The following ASTN2 variants were observed in gnomAD, a reference collection of about 807,000 sequenced individuals.
ASTN2 encodes the protein astrotactin 2.
Under a neutral mutation model 139.8 loss-of-function variants are expected in ASTN2, and 54 were observed. That is an observed-to-expected ratio of 0.39 (90% CI 0.31 to 0.48). The LOEUF is 0.48. Ranked by LOEUF, ASTN2 falls within the 20% of genes least tolerant of loss-of-function variation. The pLI is 0.95. For synonymous variants in ASTN2, 756 were observed against 719.5 expected (o/e 1.05, Z -0.81); for missense variants, 1,565 against 1,725.1 (o/e 0.91, Z 1.64).
intron 10 of ASTN2, among the ~76,000 whole-genome samples, chr9:116,930,786 A>AT (rs1310895713): frequency 6.6e-6 from 1 of 152,290 alleles, no homozygotes; most frequent in South Asian, 2.1e-4. Flanking sequence ...CAAGGCAGAC[A>AT]TTTTTTGGGA....
At chr9:116,708,019 T>C (rs982687850) in intron 16 of ASTN2, among the ~76,000 whole-genome samples, 2 of 152,138 alleles carry the variant, frequency 1.3e-5, no homozygotes, top group African/African-American at 2.4e-5. Flanking sequence ...TAAATTAAAA[T>C]TGAATTAAGT....
Position 117,198,217 on chromosome 9 carries a change from C to G in ASTN2, c.1015+16141G>C, listed in dbSNP as rs189122993. ...CCAACAGGCCCTGGTGTGAGTTAGT[C>G]CTCTCTCTGTGTTCATGCATTCTCA... is the stretch of plus-strand genomic sequence containing the variant. On this transcript the variant is annotated intron_variant, in intron 3 of 22. Coordinates refer to ENST00000313400, the MANE Select transcript of ASTN2 (RefSeq NM_001365068.1). 4.1e-4 allele frequency among the ~76,000 whole-genome samples: 63 copies of G among 151,852 alleles called. No homozygotes were observed. In the East Asian group the frequency reaches 1.0e-2, roughly 24 times the overall value.
intron 20 of ASTN2, among the ~76,000 whole-genome samples, chr9:116,458,031 G>C (rs570245753): frequency 9.2e-5 from 14 of 151,864 alleles, no homozygotes; most frequent in African/African-American, 3.4e-4. Context: ...AAAAAAATGA[G>C]ATCTTACCAT....
intron 3 of ASTN2, among the ~76,000 whole-genome samples, chr9:117,146,441 G>A (rs893708878): frequency 6.9e-6 from 1 of 145,618 alleles, no homozygotes; most frequent in Non-Finnish European, 1.5e-5. Context: ...AGAGAGAGAG[G>A]ACAGGAAAGG....
At chr9:116,812,436 C>T (rs575802485) in intron 12 of ASTN2, among the ~76,000 whole-genome samples, 9 of 152,238 alleles carry the variant, frequency 5.9e-5, no homozygotes, top group African/African-American at 9.6e-5. Flanking sequence ...AGCAGAGTAA[C>T]GGACCATGAG....
chr9:116,959,037 G>A (rs889263290), intron 10 of ASTN2, among the ~76,000 whole-genome samples: 2 of 152,130 alleles, frequency 1.3e-5, no homozygotes, highest in Non-Finnish European at 2.9e-5. Flanking sequence ...CTGGAGAGAG[G>A]AAATGACAAC....
At chr9:117,038,823 A>G (rs748476647) in intron 6 of ASTN2, among the ~76,000 whole-genome samples, 1 of 152,316 alleles carries the variant, frequency 6.6e-6, no homozygotes, top group South Asian at 2.1e-4. Flanking sequence ...CACTTTAGCA[A>G]TAGATAGTAA....
At chr9:116,683,177 T>C (rs199937474) in intron 16 of ASTN2, among the ~76,000 whole-genome samples, 2 of 152,042 alleles carry the variant, frequency 1.3e-5, no homozygotes, top group South Asian at 4.2e-4. Context: ...TAACAGGCCC[T>C]CTTAAATGCA....
intron 20 of ASTN2, among the ~76,000 whole-genome samples, chr9:116,468,582 C>G (rs533691148): frequency 6.6e-6 from 1 of 152,332 alleles, no homozygotes; most frequent in South Asian, 2.1e-4. Context: ...CTCACTGGCT[C>G]TCATCCAGGC....
intron 17 of ASTN2, among the ~76,000 whole-genome samples, chr9:116,624,245 G>A (rs1011098612): frequency 3.3e-5 from 5 of 152,076 alleles, no homozygotes; most frequent in Non-Finnish European, 7.4e-5. Context: ...AAGATTCCTC[G>A]TTCTTAACCT....
intron 19 of ASTN2, among the ~76,000 whole-genome samples, chr9:116,565,692 A>G (rs562253261): frequency 5.1e-4 from 78 of 151,934 alleles, no homozygotes; most frequent in African/African-American, 1.8e-3. Context: ...CATGTTGTCC[A>G]GGCTGGTCTT....
At chr9:116,830,133 C>T (rs1381375806) in intron 11 of ASTN2, among the ~76,000 whole-genome samples, 1 of 152,106 alleles carries the variant, frequency 6.6e-6, no homozygotes, top group Non-Finnish European at 1.5e-5. Flanking sequence ...AATAATGCAA[C>T]AAGCAAAAAC....
chr9:116,604,603 C>A (rs1374012607), intron 19 of ASTN2, among the ~76,000 whole-genome samples: 1 of 152,188 alleles, frequency 6.6e-6, no homozygotes, highest in Non-Finnish European at 1.5e-5. Flanking sequence ...GCCCACACTG[C>A]ATGAGGAACT....
At chr9:116,574,242 T>C (rs1853635503) in intron 19 of ASTN2, among the ~76,000 whole-genome samples, 1 of 152,344 alleles carries the variant, frequency 6.6e-6, no homozygotes, top group South Asian at 2.1e-4. Context: ...GACATGGCTG[T>C]GTTCCAATAA....
intron 10 of ASTN2, among the ~76,000 whole-genome samples, chr9:116,934,705 C>T (rs140731407): frequency 6.6e-6 from 1 of 152,138 alleles, no homozygotes; most frequent in Admixed American, 6.5e-5. Context: ...TGTACAACAA[C>T]CCTCCATGAC....
chr9:117,176,290 A>G (rs1297827691), intron 3 of ASTN2, among the ~76,000 whole-genome samples: 4 of 152,148 alleles, frequency 2.6e-5, no homozygotes, highest in Non-Finnish European at 2.9e-5. Context: ...ACACAGGACA[A>G]TCTTAGATAA....
chr9:117,205,330 T>C (rs1224065043), intron 3 of ASTN2, among the ~76,000 whole-genome samples: 3 of 152,170 alleles, frequency 2.0e-5, no homozygotes, highest in African/African-American at 7.2e-5. Flanking sequence ...CATCTTGGGG[T>C]TCAAGACTTA....
intron 4 of ASTN2, among the ~76,000 whole-genome samples, chr9:117,105,081 A>C (rs1334439302): frequency 6.6e-6 from 1 of 151,980 alleles, no homozygotes; most frequent in African/African-American, 2.4e-5. Context: ...GCCATAACAA[A>C]ATCTCCCATC....
At chr9:117,411,070 A>G (rs1233958820) in intron 1 of ASTN2, among the ~76,000 whole-genome samples, 2 of 152,180 alleles carry the variant, frequency 1.3e-5, no homozygotes, top group African/African-American at 4.8e-5. Context: ...CTGGCAGACC[A>G]GGATTCCAGT....
Sources: allele counts gnomAD v4.1 joint callset (sites outside exome capture counted in the v4.1 genomes callset), GRCh38; gene constraint gnomAD v4.1.1; transcripts MANE v1.5; gene names NCBI Gene and HGNC (gene_info 2026-07-23, HGNC 2026-07-21).